The following PKD1 variants were observed in gnomAD, a reference collection of about 807,000 sequenced individuals.
PKD1 encodes polycystin-1.
A neutral mutation model predicts 361.7 loss-of-function variants in PKD1; 81 were observed. The ratio of observed to expected loss-of-function variants is 0.22; its 90% CI spans 0.19 to 0.27. The LOEUF (loss-of-function observed/expected upper bound fraction) is 0.27. Ranked by LOEUF, PKD1 falls within the 10% of genes least tolerant of loss-of-function variation. PKD1 has a pLI of 1.00. For missense variants in PKD1, 6,399 were observed against 6,118.3 expected (o/e 1.05, Z -1.53); for synonymous variants, 3,615 against 2,818.3 (o/e 1.28, Z -8.95).
At position 2,088,889 on chromosome 16, in the gene PKD1, AC is replaced by A. The variant is rs1567138345; in HGVS notation, c.*837del. 4.1e-3 allele frequency: 1,865 copies of A among 455,754 alleles called. 29 individuals carry two copies. Among genetic ancestry groups the A allele is most frequent in the African/African-American group, 0.031 (1,551 of 50,498 alleles). 28.2% of individuals were successfully genotyped at this position (455,754 alleles called of 1,614,324 possible). On this transcript the variant is annotated 3_prime_UTR_variant, in exon 46 of 46. Transcript: ENST00000262304. ...CTCGCGCGTGCGCGCGCGCACACAC[AC>A]ACACACACAGTCACCTTCCTCCACC...
chr16:2,124,154 G>A (rs2092763624), intron 1 of PKD1, among the ~76,000 whole-genome samples: 2 of 152,190 alleles, frequency 1.3e-5, no homozygotes, highest in Admixed American at 6.5e-5. Flanking sequence ...CAGAGGGTGT[G>A]GCCAGGCCTG....
intron 8 of PKD1, 53 bp downstream of exon 8, chr16:2,116,476 G>C: frequency 1.0e-6 from 1 of 1,002,034 alleles, no homozygotes. Context: ...GGGCAGGCAA[G>C]GCCTCCAGGG....
chr16:2,121,456 C>T (rs1275133341), intron 1 of PKD1, among the ~76,000 whole-genome samples: 3 of 152,016 alleles, frequency 2.0e-5, no homozygotes, highest in Non-Finnish European at 4.4e-5. Flanking sequence ...AAAGAAAAAC[C>T]AGGCAATTAG....
chr16:2,109,907 A>C lies in PKD1; in HGVS notation c.5260T>G (p.Leu1754Val). The change falls in exon 15 of 46, where the codon TTG (leucine) becomes GTG (valine). Residue 1754 changes from leucine (L) to valine (V), a missense_variant. Coordinates refer to ENST00000262304, the MANE Select transcript of PKD1 (RefSeq NM_001009944.3). The stretch of plus-strand genomic sequence containing the variant: ...GTCTCCCAGCTCAGCCCCTCCTCCA[A>C]GGACCAAGTGTATACGACACCACTG... The part of the protein sequence containing the change: ...GGSGVVYTWS[L>V]EEGLSWETSE... 6.2e-7 allele frequency: 1 copy of C among 1,610,568 alleles called. No individual in the cohort carries two copies. Among genetic ancestry groups the C allele is most frequent in the South Asian group, 1.1e-5 (1 of 90,978 alleles).
At chr16:2,102,998 C>T (rs1334365612) in intron 23 of PKD1, 28 bp from the exon 24 acceptor site, 5 of 1,598,976 alleles carry the variant, frequency 3.1e-6, no homozygotes, top group Admixed American at 1.7e-5. Context: ...GGTCACACGC[C>T]TGCCGGGAAG....
intron 1 of PKD1, among the ~76,000 whole-genome samples, chr16:2,128,643 G>C (rs2092828225): frequency 6.6e-6 from 1 of 152,228 alleles, no homozygotes; most frequent in Non-Finnish European, 1.5e-5. Context: ...GGAGAGACAA[G>C]AACACAGAGG....
intron 34 of PKD1, among the ~76,000 whole-genome samples, chr16:2,096,324 G>A (rs559258414): frequency 2.0e-5 from 3 of 152,240 alleles, no homozygotes; most frequent in African/African-American, 7.2e-5. Context: ...GCAGTGCAAC[G>A]GCAGGGCCGT....
intron 34 of PKD1, 150 bp downstream of exon 34, chr16:2,096,998 C>A (rs998238048): frequency 3.0e-6 from 2 of 658,374 alleles, no homozygotes; most frequent in Non-Finnish European, 5.4e-6. Context: ...TTTCCACAGA[C>A]AACAGAGGTT....
intron 37 of PKD1, 31 bp from the exon 38 acceptor site, chr16:2,093,124 T>C (rs1258781529): frequency 1.2e-6 from 2 of 1,611,120 alleles, no homozygotes; most frequent in Non-Finnish European, 1.7e-6. Context: ...GTGGTCAGCC[T>C]GGCCCCAGCC....
chr16:2,090,950 C>G lies in PKD1; in HGVS notation c.11937G>C (p.Gln3979His). The change falls in exon 43 of 46, where the codon CAG becomes CAC. Residue 3979 changes from glutamine (Q) to histidine (H), a missense_variant. Gln to His is a conservative substitution (Grantham distance 24, BLOSUM62 0). Coordinates refer to ENST00000262304, the MANE Select transcript of PKD1 (RefSeq NM_001009944.3). Reference protein sequence around the residue: ...GRPRRFTSFDQVAQLSSAARG... With the variant: ...GRPRRFTSFDHVAQLSSAARG... ...GGGCTGCGGAGCTCAGCTGCGCCAC[C>G]TGGTCGAAGCTAGTGAAGCGGCGCG... The G allele has an allele frequency of 1.3e-6, 2 of 1,562,662 alleles. No homozygotes were observed. The highest frequency in any genetic ancestry group is 8.6e-7 in the Non-Finnish European group (1 of 1,160,758).
At position 2,109,174 on chromosome 16, in the gene PKD1, C is replaced by T. The variant is rs753707597; in HGVS notation, c.5993G>A (p.Arg1998His). 15 of 1,599,496 alleles carry T rather than the reference C, an allele frequency of 9.4e-6. No homozygotes were observed. Among genetic ancestry groups the T allele is most frequent in the Middle Eastern group, 1.9e-4 (1 of 5,156 alleles). ...TERNFTARVQRGSRVAYAWYF... is the reference protein window; with the variant it reads ...TERNFTARVQHGSRVAYAWYF... ...CCAGGCGTAGGCGACCCGAGAGCCGCGCTGCACGCGGGCTGTGAAGTTCCT... is the reference window on the plus strand; with the variant it reads ...CCAGGCGTAGGCGACCCGAGAGCCGTGCTGCACGCGGGCTGTGAAGTTCCT... Residue 1998 changes from arginine (R) to histidine (H), a missense_variant, in exon 15 of 46, where the codon CGC (arginine) becomes CAC (histidine). Physicochemically the swap from Arg to His is conservative, Grantham distance 29. Coordinates refer to ENST00000262304, the MANE Select transcript of PKD1 (RefSeq NM_001009944.3).
rs905400568 is a variant in PKD1, at chr16:2,100,367, G to C, written c.9568+29C>G. 3.7e-6 allele frequency: 6 copies of C among 1,610,930 alleles called. No homozygotes were observed. The African/African-American group carries it at 6.7e-5, about 18-fold the overall frequency. On this transcript the variant is annotated intron_variant, in intron 27 of 45. Transcript: ENST00000262304. This position sits in a 1 kb window ranked among gnomAD's most constrained non-coding sequence, Gnocchi z 4.4. ...AGGGCGCCCCAATGCGGGGGCAGAGGGGCAGAGCTTGGCAGGGTCCGCACA... is the reference window on the plus strand; with the variant it reads ...AGGGCGCCCCAATGCGGGGGCAGAGCGGCAGAGCTTGGCAGGGTCCGCACA...
At chr16:2,096,643 G>A (rs1024636670) in intron 34 of PKD1, among the ~76,000 whole-genome samples, 2 of 152,102 alleles carry the variant, frequency 1.3e-5, no homozygotes, top group African/African-American at 2.4e-5. Flanking sequence ...AGTCTCCCGA[G>A]TAACTGGGAC....
intron 16 of PKD1, 69 bp downstream of exon 16, chr16:2,107,814 G>C: frequency 6.8e-7 from 1 of 1,467,460 alleles, no homozygotes; most frequent in Non-Finnish European, 9.2e-7. Context: ...ACTAAAACAC[G>C]GAAAACAGTA....
chr16:2,097,080 C>T lies in PKD1; in HGVS notation c.10499+68G>A, dbSNP rs181598117. 549 of 1,107,824 alleles carry T rather than the reference C, an allele frequency of 5.0e-4. 3 individuals are homozygous for T. In the East Asian group the frequency reaches 0.012, roughly 23 times the overall value. The allele number at this position is 1,107,824 out of a possible 1,614,324, so 68.6% of individuals were successfully genotyped here. ...CCCACCCTACCCCAGGCGGGAACCA[C>T]GGCTGCCTGGCCTGAGTCCCGGCCC... On this transcript the variant is annotated intron_variant, in intron 34 of 45. Transcript: ENST00000262304.
rs1307565983 is a variant in PKD1 at position 2,114,643 on chromosome 16, C to T, written c.2380G>A (p.Gly794Arg). ...ACCTCTGCCCGGACCTCATAGCGCC[C>T]AGGCAGCCGCAGTCCAGGGTTGGGC... Reference protein sequence around the residue: ...LRPNPGLRLPGRYEVRAEVGN... With the variant: ...LRPNPGLRLPRRYEVRAEVGN... The change falls in exon 11 of 46, where the codon GGG becomes AGG. Residue 794 changes from glycine (G) to arginine (R), a missense_variant. Physicochemically the swap from Gly to Arg is moderately radical, Grantham distance 125. Coordinates refer to ENST00000262304, the MANE Select transcript of PKD1 (RefSeq NM_001009944.3). The T allele has an allele frequency of 1.9e-6, 3 of 1,558,988 alleles. No homozygotes were observed. Among genetic ancestry groups the T allele is most frequent in the African/African-American group, 2.7e-5 (2 of 73,856 alleles).
Position 2,105,421 on chromosome 16 carries a change from T to G in PKD1, c.7917A>C (p.Arg2639=). 1 of 1,585,148 alleles carries G rather than the reference T, an allele frequency of 6.3e-7. No individual in the cohort carries two copies. The highest frequency in any genetic ancestry group is 1.1e-5 in the South Asian group (1 of 90,956). Residue 2639 remains arginine, a synonymous_variant, in exon 21 of 46, where the codon CGA becomes CGC. Coordinates refer to ENST00000262304, the MANE Select transcript of PKD1 (RefSeq NM_001009944.3). ...CCGTGATGTTCTTGCGTATCTGGGC[T>G]CGGTGCTGCCGCTCGTGCTTGGGCT... ...AAEPKHERQH[R]AQIRKNITET...
Position 2,097,208 on chromosome 16 carries a change from C to T in PKD1, c.10439G>A (p.Gly3480Glu). 7 of 1,569,760 alleles carry T rather than the reference C, an allele frequency of 4.5e-6. No homozygotes were observed. Among genetic ancestry groups the T allele is most frequent in the Non-Finnish European group, 6.0e-6 (7 of 1,157,396 alleles). The change falls in exon 34 of 46, where the codon GGG becomes GAG. Residue 3480 changes from glycine (G) to glutamate (E), a missense_variant. Physicochemically the swap from Gly to Glu is moderately conservative, Grantham distance 98 (BLOSUM62 -2). Coordinates refer to ENST00000262304, the MANE Select transcript of PKD1 (RefSeq NM_001009944.3). ...TTGGGTAGGGGCTGGGCTGCTGACC[C>T]CCTCGGCAAGGACCTGCTGGATCAG... is the stretch of plus-strand genomic sequence containing the variant. The part of the protein sequence containing the change: ...EDLIQQVLAE[G>E]VSSPAPTQDT...
chr16:2,094,640 G>A (rs779772787), intron 34 of PKD1: 1 of 252,184 alleles, frequency 4.0e-6, no homozygotes, highest in East Asian at 1.1e-4. Context: ...TTAACTTCTG[G>A]ACAAGGAAAC....
Sources: gnomAD v4.1 joint callset for allele counts (sites outside exome capture counted in the v4.1 genomes callset) on GRCh38, gnomAD v4.1.1 for gene constraint, Gnocchi (gnomAD v3.1) non-coding constraint, MANE v1.5 for transcripts, NCBI Gene and HGNC (gene_info 2026-07-23, HGNC 2026-07-21) for gene names.